The following AGAP3 variants were observed in gnomAD, a reference collection of about 807,000 sequenced individuals.
AGAP3 encodes ArfGAP with GTPase domain, ankyrin repeat and PH domain 3, also known as arf-GAP with GTPase, ANK repeat and PH domain-containing protein 3.
A neutral mutation model predicts 96.9 loss-of-function variants in AGAP3; 24 were observed. That is an observed-to-expected ratio of 0.25 (90% CI 0.18 to 0.35). The LOEUF is 0.35. Ranked by LOEUF, AGAP3 falls within the 10% of genes least tolerant of loss-of-function variation. The pLI is 1.00. For missense variants in AGAP3, 876 were observed against 1,254.2 expected, an observed-to-expected ratio of 0.70 and a Z score of 4.55; for synonymous variants, 563 against 536.1, an observed-to-expected ratio of 1.05 and a Z score of -0.69.
chr7:151,117,008 C>T (rs1799622520), intron 2 of AGAP3, 87 bp from the exon 3 acceptor site: 3 of 1,496,184 alleles, frequency 2.0e-6, no homozygotes, highest in Admixed American at 3.4e-5. Context: ...GGCCTTTCTC[C>T]CTCCTGCTGC....
Position 151,139,737 on chromosome 7 carries a change from C to A in AGAP3, c.1667-242C>A. ...CTGCAGAGGCAGCTTCCTCCCTTTGCCTCCATCCTGCTCTGCCTAAGTTTC... is the reference window on the plus strand; with the variant it reads ...CTGCAGAGGCAGCTTCCTCCCTTTGACTCCATCCTGCTCTGCCTAAGTTTC... On this transcript the variant is annotated intron_variant, in intron 12 of 17. Coordinates refer to ENST00000397238, the MANE Select transcript of AGAP3 (RefSeq NM_031946.7). This position sits in a 1 kb window ranked among gnomAD's most constrained non-coding sequence, Gnocchi z 4.9. 1 of 352,924 alleles carries A rather than the reference C, an allele frequency of 2.8e-6. No homozygotes were observed. Among genetic ancestry groups the A allele is most frequent in the Non-Finnish European group, 5.1e-6 (1 of 197,720 alleles). 21.9% of individuals were successfully genotyped at this position (352,924 alleles called of 1,614,324 possible).
rs370587583 is a variant in AGAP3, at chr7:151,094,095, T to C, written c.331+7023T>C. 3.2e-4 allele frequency among the ~76,000 whole-genome samples: 48 copies of C among 152,322 alleles called. 1 individual carries two copies. The South Asian group carries it at 9.7e-3, about 31-fold the overall frequency. On this transcript the variant is annotated intron_variant, in intron 1 of 17. Coordinates refer to ENST00000397238, the MANE Select transcript of AGAP3 (RefSeq NM_031946.7). ...GGAGAGGTGAGATTTTCTGTACCTC[T>C]GTTTCCTTACCTGAGGTGGGTCATA...
At chr7:151,087,125 C>G (rs772662495) in intron 1 of AGAP3, 53 bp downstream of exon 1, 31 of 1,533,760 alleles carry the variant, frequency 2.0e-5, no homozygotes, top group Middle Eastern at 1.7e-4. Context: ...TCTCCGGCGC[C>G]GGCCGAGGGC....
chr7:151,123,989 A>G (rs1652042157), intron 9 of AGAP3, 103 bp downstream of exon 9: 1 of 1,188,928 alleles, frequency 8.4e-7, no homozygotes, highest in African/African-American at 1.5e-5. Flanking sequence ...GGGAGATGGC[A>G]TCAGAGGCCA....
chr7:151,114,584 G>C lies in AGAP3; in HGVS notation c.332-2209G>C, dbSNP rs1423043559. Reference sequence around the variant, plus strand: ...CCAGACTTGCCGCCTCTCTCTCCGGGCTGGGCTGACTCCCGGCCTCTCCAG... The same window carrying C: ...CCAGACTTGCCGCCTCTCTCTCCGGCCTGGGCTGACTCCCGGCCTCTCCAG... On this transcript the variant is annotated intron_variant, in intron 1 of 17. Transcript: ENST00000397238. This position sits in a 1 kb window ranked among gnomAD's most constrained non-coding sequence, Gnocchi z 4.4. The C allele has an allele frequency of 4.5e-6, 2 of 447,906 alleles. No individual in the cohort carries two copies. The highest frequency in any genetic ancestry group is 4.3e-5 in the African/African-American group (2 of 47,012). The allele number at this position is 447,906 out of a possible 1,614,324, so 27.7% of individuals were successfully genotyped here. A position where few individuals can be genotyped will look rare whatever the true frequency, so the allele number is the denominator to read the frequency against.
rs763061466 is a variant in AGAP3 at position 151,098,264 on chromosome 7, CAGG to C, written c.331+11195_331+11197del. On this transcript the variant is annotated intron_variant, in intron 1 of 17. Coordinates refer to ENST00000397238, the MANE Select transcript of AGAP3 (RefSeq NM_031946.7). The stretch of plus-strand genomic sequence containing the variant: ...GTCCCAGCTACTCCGGAAGCTGAGG[CAGG>C]AGAATTGCTTGAACCTGGGAGGCAG... Among the ~76,000 whole-genome samples the C allele has an allele frequency of 3.3e-5, 5 of 152,134 alleles. No homozygotes were observed. The East Asian group carries it at 5.8e-4, about 18-fold the overall frequency.
intron 8 of AGAP3, 131 bp downstream of exon 8, chr7:151,120,276 A>T: frequency 1.0e-6 from 1 of 982,320 alleles, no homozygotes; most frequent in Non-Finnish European, 1.5e-6. Context: ...TCTCCCTCAG[A>T]TACACACGGC....
At chr7:151,138,447 C>A in intron 12 of AGAP3, 134 bp downstream of exon 12, 1 of 1,056,538 alleles carries the variant, frequency 9.5e-7, no homozygotes, top group Non-Finnish European at 1.3e-6. Flanking sequence ...CCCAGCTGGG[C>A]CCTCCTGGGC....
At chr7:151,109,174 A>AAAAAAAAC (rs1799178792) in intron 1 of AGAP3, among the ~76,000 whole-genome samples, 1 of 147,260 alleles carries the variant, frequency 6.8e-6, no homozygotes, top group Non-Finnish European at 1.5e-5. Context: ...GTAAAAAAAA[A>AAAAAAAAC]AAAAAACAAA....
chr7:151,132,133 G>GC (rs1200744070), intron 10 of AGAP3, among the ~76,000 whole-genome samples: 1 of 152,210 alleles, frequency 6.6e-6, no homozygotes, highest in African/African-American at 2.4e-5. Flanking sequence ...CTGCAGCCCA[G>GC]GGTGCTGGAG....
intron 8 of AGAP3, chr7:151,122,907 C>T: frequency 6.7e-7 from 1 of 1,492,352 alleles, no homozygotes; most frequent in African/African-American, 1.4e-5. Context: ...ACTCCAGAGA[C>T]CCACGGGAAC....
chr7:151,123,098 G>C, intron 8 of AGAP3: 39 of 1,152,354 alleles, frequency 3.4e-5, no homozygotes, highest in Non-Finnish European at 4.1e-5. Context: ...GTCCAAGCCC[G>C]CCCGGCCCGG....
Position 151,143,048 on chromosome 7 carries a change from T to TG in AGAP3, c.2274-292dup, listed in dbSNP as rs1431199188. On this transcript the variant is annotated intron_variant, in intron 16 of 17. Transcript: ENST00000397238. The surrounding 1 kb of genome is among the most constrained non-coding windows in gnomAD (Gnocchi z 5.9). ...GGCCAGATAAGCTGCAACACGGGCCTGCCTGGAATCTTCCTGCCCTCTCAG... is the reference window on the plus strand; with the variant it reads ...GGCCAGATAAGCTGCAACACGGGCCTGGCCTGGAATCTTCCTGCCCTCTCAG... 6.6e-6 allele frequency among the ~76,000 whole-genome samples: 1 copy of TG among 152,154 alleles called. No homozygotes were observed. The highest frequency in any genetic ancestry group is 1.5e-5 in the Non-Finnish European group (1 of 68,010).
chr7:151,109,324 T>G (rs1799188319), intron 1 of AGAP3, among the ~76,000 whole-genome samples: 1 of 152,152 alleles, frequency 6.6e-6, no homozygotes, highest in Non-Finnish European at 1.5e-5. Flanking sequence ...GATTGCCTGG[T>G]TAACAGAGGG....
intron 8 of AGAP3, chr7:151,123,494 C>G: frequency 1.6e-6 from 2 of 1,214,764 alleles, no homozygotes; most frequent in Non-Finnish European, 2.1e-6. Context: ...CTCCTCGCCC[C>G]CGCTTCTCTT....
intron 8 of AGAP3, chr7:151,122,675 C>A: frequency 6.2e-7 from 1 of 1,609,168 alleles, no homozygotes; most frequent in Non-Finnish European, 8.5e-7. Flanking sequence ...CCGACTTGTG[C>A]GGGGCTTGAG....
chr7:151,118,941 G>A lies in AGAP3; in HGVS notation c.969+309G>A, dbSNP rs1799730859. On this transcript the variant is annotated intron_variant, in intron 7 of 17. Coordinates refer to ENST00000397238, the MANE Select transcript of AGAP3 (RefSeq NM_031946.7). This position sits in a 1 kb window ranked among gnomAD's most constrained non-coding sequence, Gnocchi z 6.1. Reference sequence around the variant, plus strand: ...TGAAAGTCCTGGGCCATCCACAGGTGGCATGGTCAAGGCAGCAGCCACTGC... The same window carrying A: ...TGAAAGTCCTGGGCCATCCACAGGTAGCATGGTCAAGGCAGCAGCCACTGC... 2.0e-5 allele frequency among the ~76,000 whole-genome samples: 3 copies of A among 152,212 alleles called. No homozygotes were observed. The highest frequency in any genetic ancestry group is 2.0e-4 in the Admixed American group (3 of 15,284).
At position 151,086,874 on chromosome 7, in the gene AGAP3, G is replaced by C; in HGVS notation, c.133G>C (p.Gly45Arg). 1 of 1,234,424 alleles carries C rather than the reference G, an allele frequency of 8.1e-7. No individual in the cohort carries two copies. Among genetic ancestry groups the C allele is most frequent in the Non-Finnish European group, 1.0e-6 (1 of 976,932 alleles). 76.5% of individuals were successfully genotyped at this position (1,234,424 alleles called of 1,614,324 possible). A position where few individuals can be genotyped will look rare whatever the true frequency, so the allele number is the denominator to read the frequency against. The change falls in exon 1 of 18, where the codon GGC (glycine) becomes CGC (arginine). Residue 45 changes from glycine to arginine, a missense_variant. Physicochemically the swap from Gly to Arg is moderately radical, Grantham distance 125. Coordinates refer to ENST00000397238, the MANE Select transcript of AGAP3 (RefSeq NM_031946.7). Reference sequence around the variant, plus strand: ...CGGCGGCGCGGGGCCCGGGGCCGGGGGCGGCGGCGGCCCCTCGCAGCAGCT... The same window carrying C: ...CGGCGGCGCGGGGCCCGGGGCCGGGCGCGGCGGCGGCCCCTCGCAGCAGCT... Reference protein sequence around the residue: ...QFGGAGPGAGGGGGPSQQLAG... With the variant: ...QFGGAGPGAGRGGGPSQQLAG...
At position 151,133,945 on chromosome 7, in the gene AGAP3, G is replaced by A. The variant is rs73727482; in HGVS notation, c.1327-455G>A. 0.022 allele frequency among the ~76,000 whole-genome samples: 3,320 copies of A among 152,278 alleles called. 131 individuals carry two copies. Among genetic ancestry groups the A allele is most frequent in the African/African-American group, 0.075 (3,120 of 41,536 alleles). Reference sequence around the variant, plus strand: ...TATCAGACACTGTCCTAAGGGCTGGGACTATTCTAGGCTTTAGAAGGTTCT... The same window carrying A: ...TATCAGACACTGTCCTAAGGGCTGGAACTATTCTAGGCTTTAGAAGGTTCT... On this transcript the variant is annotated intron_variant, in intron 10 of 17. Transcript: ENST00000397238. The surrounding 1 kb of genome is among the most constrained non-coding windows in gnomAD (Gnocchi z 5.4).
Sources: gnomAD v4.1 joint callset for allele counts (sites outside exome capture counted in the v4.1 genomes callset) on GRCh38, gnomAD v4.1.1 for gene constraint, Gnocchi (gnomAD v3.1) non-coding constraint, MANE v1.5 for transcripts, NCBI Gene and HGNC (gene_info 2026-07-23, HGNC 2026-07-21) for gene names.